PTK2B: variants seen among roughly 807,000 people sequenced by gnomAD.
PTK2B encodes the protein protein-tyrosine kinase 2-beta.
A neutral mutation model predicts 142.9 loss-of-function variants in PTK2B; 71 were observed. The observed-to-expected ratio is 0.50, with a 90% CI of 0.41 to 0.61. The LOEUF (loss-of-function observed/expected upper bound fraction) is 0.61. Ranked by LOEUF, PTK2B falls within the 20% of genes least tolerant of loss-of-function variation. PTK2B has a pLI of 0.00. For synonymous variants in PTK2B, 519 were observed against 503.4 expected, an observed-to-expected ratio of 1.03 and a Z score of -0.42; for missense variants, 1,105 against 1,320.4, an observed-to-expected ratio of 0.84 and a Z score of 2.53.
intron 1 of PTK2B, among the ~76,000 whole-genome samples, chr8:27,393,821 C>A (rs1345593883): frequency 6.6e-6 from 1 of 152,008 alleles, no homozygotes; most frequent in Non-Finnish European, 1.5e-5. Context: ...TGTCACAGTC[C>A]ATGAACCTGC....
chr8:27,350,752 G>T (rs996527229), intron 1 of PTK2B, among the ~76,000 whole-genome samples: 20 of 151,474 alleles, frequency 1.3e-4, no homozygotes, highest in African/African-American at 4.6e-4. Context: ...GCCGAGGCAG[G>T]TCATCACCTG....
chr8:27,337,770 G>T (rs1804164692), intron 1 of PTK2B, among the ~76,000 whole-genome samples: 1 of 152,160 alleles, frequency 6.6e-6, no homozygotes, highest in Admixed American at 6.5e-5. Flanking sequence ...CTCTTCATTA[G>T]TAAACATTTG....
At position 27,420,771 on chromosome 8, in the gene PTK2B, C is replaced by T. The variant is rs374857504; in HGVS notation, c.471+27C>T. ...TAAAAAGTACTTTATCTTCTTGCCC[C>T]GAGGCTCCCATTACACCTCAAATGC... On this transcript the variant is annotated intron_variant, in intron 4 of 30. Coordinates refer to ENST00000346049, the MANE Select transcript of PTK2B (RefSeq NM_173176.3). 256 of 1,573,734 alleles carry T rather than the reference C, an allele frequency of 1.6e-4. 1 individual carries two copies. The highest frequency in any genetic ancestry group is 2.0e-4 in the Admixed American group (12 of 59,930).
intron 2 of PTK2B, among the ~76,000 whole-genome samples, chr8:27,399,497 T>A (rs1441112220): frequency 6.6e-6 from 1 of 152,086 alleles, no homozygotes; most frequent in Non-Finnish European, 1.5e-5. Flanking sequence ...GGCAGAGAAA[T>A]TTGGAAATGG....
At chr8:27,431,249 G>T in intron 8 of PTK2B, 149 bp from the exon 9 acceptor site, 1 of 1,524,408 alleles carries the variant, frequency 6.6e-7, no homozygotes, top group East Asian at 2.4e-5. Flanking sequence ...TGTCAGGAGG[G>T]GAAGATCCAT....
At chr8:27,326,569 G>C (rs916715393) in intron 1 of PTK2B, among the ~76,000 whole-genome samples, 1 of 152,192 alleles carries the variant, frequency 6.6e-6, no homozygotes, top group Non-Finnish European at 1.5e-5. Flanking sequence ...GGAGGAACTC[G>C]GAAGCTGCGC....
intron 2 of PTK2B, among the ~76,000 whole-genome samples, chr8:27,404,607 A>G (rs1035055848): frequency 2.0e-5 from 3 of 152,022 alleles, no homozygotes; most frequent in Non-Finnish European, 2.9e-5. Flanking sequence ...TCCAGTTCCA[A>G]ATGCAGCCTG....
rs186747464 is a variant in PTK2B at position 27,341,445 on chromosome 8, G to T, written c.-38+15764G>T. Among the ~76,000 whole-genome samples the T allele has an allele frequency of 1.8e-4, 28 of 152,258 alleles. 1 individual carries two copies. The highest frequency in any genetic ancestry group is 6.7e-4 in the African/African-American group (28 of 41,538). On this transcript the variant is annotated intron_variant, in intron 1 of 30. Coordinates refer to ENST00000346049, the MANE Select transcript of PTK2B (RefSeq NM_173176.3). ...TCTCTGATACCTGTGGAAATGAGGG[G>T]CATCAGAGAGATTCAGATAAGAACA...
chr8:27,368,718 A>G (rs999910533), intron 1 of PTK2B, among the ~76,000 whole-genome samples: 1 of 152,184 alleles, frequency 6.6e-6, no homozygotes, highest in Non-Finnish European at 1.5e-5. Flanking sequence ...AAGGGTATTC[A>G]GGTCCAGGGA....
chr8:27,322,277 A>G (rs1803236259), upstream of PTK2B: 1 of 152,248 alleles, frequency 6.6e-6, no homozygotes, highest in Non-Finnish European at 1.5e-5. Context: ...ATCATTTACA[A>G]TGGAGAGATG....
chr8:27,321,969 AC>A (rs1803227495), upstream of PTK2B, among the ~76,000 whole-genome samples: 1 of 151,636 alleles, frequency 6.6e-6, no homozygotes, highest in South Asian at 2.1e-4. Context: ...TTTTTTCAGT[AC>A]TTGTACCCAT....
intron 1 of PTK2B, among the ~76,000 whole-genome samples, chr8:27,337,011 C>A (rs533312912): frequency 1.6e-4 from 19 of 120,184 alleles, no homozygotes; most frequent in South Asian, 8.5e-4. Flanking sequence ...TTTTTAATAA[C>A]CGCTAATTAA....
At chr8:27,362,359 C>G (rs534505803) in intron 1 of PTK2B, among the ~76,000 whole-genome samples, 1 of 152,240 alleles carries the variant, frequency 6.6e-6, no homozygotes, top group Non-Finnish European at 1.5e-5. Context: ...CTGGTGAGAC[C>G]CAGAGTTTCA....
intron 5 of PTK2B, among the ~76,000 whole-genome samples, chr8:27,424,112 A>G (rs1272004453): frequency 6.6e-6 from 1 of 152,052 alleles, no homozygotes; most frequent in Non-Finnish European, 1.5e-5. Context: ...CTAAAATTAG[A>G]CAAGTCGAAA....
intron 13 of PTK2B, 47 bp from the exon 14 acceptor site, chr8:27,435,696 C>T (rs1810727908): frequency 6.2e-7 from 1 of 1,607,896 alleles, no homozygotes; most frequent in Non-Finnish European, 8.5e-7. Flanking sequence ...TGGCGGTGCC[C>T]ACCAAGGGCA....
chr8:27,437,079 C>G (rs748923293), intron 15 of PTK2B, 43 bp from the exon 16 acceptor site: 5 of 1,573,336 alleles, frequency 3.2e-6, no homozygotes, highest in Non-Finnish European at 4.4e-6. Flanking sequence ...TTCTGCTGAG[C>G]ACTGGGCTGG....
chr8:27,358,310 C>A (rs1805501115), intron 1 of PTK2B, among the ~76,000 whole-genome samples: 2 of 152,150 alleles, frequency 1.3e-5, no homozygotes, highest in Admixed American at 6.5e-5. Flanking sequence ...AGAAAAGAAG[C>A]AATACTTTTT....
At chr8:27,430,532 G>A in intron 7 of PTK2B, 114 bp downstream of exon 7, 1 of 1,397,664 alleles carries the variant, frequency 7.2e-7, no homozygotes, top group Non-Finnish European at 1.0e-6. Flanking sequence ...CGCGGCCTCG[G>A]GCATTTGGAC....
chr8:27,404,020 G>T (rs895345261), intron 2 of PTK2B, among the ~76,000 whole-genome samples: 1 of 135,774 alleles, frequency 7.4e-6, no homozygotes, highest in Non-Finnish European at 1.6e-5. Flanking sequence ...CAAGCCATAT[G>T]TCCTGATTTG....
Sources: allele counts gnomAD v4.1 joint callset (sites outside exome capture counted in the v4.1 genomes callset), GRCh38; gene constraint gnomAD v4.1.1; transcripts MANE v1.5; gene names NCBI Gene and HGNC (gene_info 2026-07-23, HGNC 2026-07-21).